The following ROBO2 variants were observed in gnomAD, a reference collection of about 807,000 sequenced individuals.
ROBO2 encodes the protein roundabout guidance receptor 2, also known as roundabout homolog 2.
A neutral mutation model predicts 160.8 loss-of-function variants in ROBO2; 53 were observed. The ratio of observed to expected loss-of-function variants is 0.33; its 90% CI spans 0.26 to 0.41. The LOEUF (loss-of-function observed/expected upper bound fraction) is 0.41, where lower values mean the gene tolerates loss of function less well. Among genes scored for constraint, ROBO2 ranks in the 10% least tolerant of loss-of-function variants. The pLI, the probability that ROBO2 is intolerant of heterozygous loss-of-function variation, is 1.00. For missense variants in ROBO2, 1,577 were observed against 1,722.4 expected (o/e 0.92, Z 1.49); for synonymous variants, 664 against 611.7 (o/e 1.09, Z -1.26).
At chr3:75,963,669 G>T (rs1949004656) in intron 2 of ROBO2, among the ~76,000 whole-genome samples, 1 of 151,784 alleles carries the variant, frequency 6.6e-6, no homozygotes, top group Middle Eastern at 3.4e-3. Context: ...CACACACATA[G>T]ACTGGGTGGC....
intron 2 of ROBO2, among the ~76,000 whole-genome samples, chr3:76,132,791 G>A (rs1187921911): frequency 6.6e-6 from 1 of 152,098 alleles, no homozygotes; most frequent in Non-Finnish European, 1.5e-5. Context: ...ATGACTTTGA[G>A]CTCTTTTTCT....
chr3:76,149,796 AAC>A (rs1418912804), intron 2 of ROBO2, among the ~76,000 whole-genome samples: 4 of 148,586 alleles, frequency 2.7e-5, no homozygotes, highest in Admixed American at 1.3e-4. Context: ...ATCAGTCTAA[AAC>A]ACACATCTGT....
At chr3:77,113,483 A>T (rs1269645674) in intron 2 of ROBO2, among the ~76,000 whole-genome samples, 2 of 152,184 alleles carry the variant, frequency 1.3e-5, no homozygotes, top group Admixed American at 1.3e-4. Context: ...ATTAATAGAG[A>T]TGTAAGAATC....
chr3:76,647,256 T>C (rs1015805861), intron 2 of ROBO2, among the ~76,000 whole-genome samples: 1 of 152,148 alleles, frequency 6.6e-6, no homozygotes, highest in Non-Finnish European at 1.5e-5. Flanking sequence ...AAATGCAAAC[T>C]GGATTCCACT....
At chr3:76,033,591 T>C (rs1338733827) in intron 2 of ROBO2, among the ~76,000 whole-genome samples, 3 of 152,234 alleles carry the variant, frequency 2.0e-5, no homozygotes, top group African/African-American at 7.2e-5. Flanking sequence ...TTGTTATTTA[T>C]ATGTTGCTAT....
At chr3:76,251,184 C>T (rs937606113) in intron 2 of ROBO2, among the ~76,000 whole-genome samples, 12 of 151,806 alleles carry the variant, frequency 7.9e-5, no homozygotes, top group Admixed American at 6.6e-4. Context: ...AGATAGATGA[C>T]CAAATTTGTC....
chr3:77,344,251 A>G (rs1425895569), intron 2 of ROBO2, among the ~76,000 whole-genome samples: 1 of 152,190 alleles, frequency 6.6e-6, no homozygotes, highest in African/African-American at 2.4e-5. Flanking sequence ...CTTCTTTCAT[A>G]TATCAAAAAT....
At chr3:76,097,373 C>G (rs1457458073) in intron 2 of ROBO2, among the ~76,000 whole-genome samples, 1 of 152,136 alleles carries the variant, frequency 6.6e-6, no homozygotes, top group East Asian at 1.9e-4. Context: ...GCAGCAGGGG[C>G]TCCTGCTGAG....
intron 2 of ROBO2, among the ~76,000 whole-genome samples, chr3:76,737,653 G>A (rs945063962): frequency 6.6e-6 from 1 of 152,100 alleles, no homozygotes; most frequent in African/African-American, 2.4e-5. Context: ...GTATCTATGA[G>A]TTTCTCATCT....
intron 2 of ROBO2, among the ~76,000 whole-genome samples, chr3:76,966,262 G>A (rs1416346090): frequency 6.6e-6 from 1 of 152,122 alleles, no homozygotes; most frequent in African/African-American, 2.4e-5. Flanking sequence ...TTAAAGTGCA[G>A]ACACTGATGG....
At chr3:76,812,909 ATTTTT>A (rs71104626) in intron 2 of ROBO2, among the ~76,000 whole-genome samples, 38 of 104,658 alleles carry the variant, frequency 3.6e-4, no homozygotes, top group African/African-American at 4.7e-4. Flanking sequence ...AGAAGTATAA[ATTTTT>A]TTTTTTTTTT....
At chr3:76,444,019 G>A (rs997048314) in intron 2 of ROBO2, among the ~76,000 whole-genome samples, 1 of 152,098 alleles carries the variant, frequency 6.6e-6, no homozygotes, top group African/African-American at 2.4e-5. Context: ...AAGCTGGAGT[G>A]CAGTGGCACA....
At chr3:77,429,020 G>A (rs1209203351) in intron 2 of ROBO2, among the ~76,000 whole-genome samples, 1 of 152,146 alleles carries the variant, frequency 6.6e-6, no homozygotes, top group Non-Finnish European at 1.5e-5. Context: ...CTACTCTAAA[G>A]TTAGATCAGC....
chr3:76,127,772 T>G (rs1451338316), intron 2 of ROBO2, among the ~76,000 whole-genome samples: 11 of 152,080 alleles, frequency 7.2e-5, no homozygotes, highest in Non-Finnish European at 1.6e-4. Context: ...GTATAATTAC[T>G]TTATTACATC....
At chr3:77,513,454 T>C (rs2089645163) in intron 5 of ROBO2, among the ~76,000 whole-genome samples, 1 of 151,834 alleles carries the variant, frequency 6.6e-6, no homozygotes. Flanking sequence ...GGTATGTTTA[T>C]GAGGAAAAAA....
At chr3:75,941,321 T>A (rs2107072930) in intron 2 of ROBO2, among the ~76,000 whole-genome samples, 1 of 152,254 alleles carries the variant, frequency 6.6e-6, no homozygotes, top group South Asian at 2.1e-4. Flanking sequence ...TACAATGGTG[T>A]GCTGTTTTGG....
chr3:77,103,896 C>A (rs1358013580), intron 2 of ROBO2, among the ~76,000 whole-genome samples: 1 of 152,168 alleles, frequency 6.6e-6, no homozygotes, highest in Non-Finnish European at 1.5e-5. Context: ...CTTCCTTGAT[C>A]TCCTCAAGTT....
At chr3:76,860,595 T>A (rs2070663374) in intron 2 of ROBO2, among the ~76,000 whole-genome samples, 1 of 152,188 alleles carries the variant, frequency 6.6e-6, no homozygotes, top group Non-Finnish European at 1.5e-5. Context: ...ACATTTACCA[T>A]CCTCTGCTTC....
chr3:76,446,571 C>A (rs2077193785), intron 2 of ROBO2, among the ~76,000 whole-genome samples: 2 of 151,980 alleles, frequency 1.3e-5, no homozygotes, highest in Admixed American at 1.3e-4. Flanking sequence ...AAAAAAGAGC[C>A]CGCACTGCCA....
Sources: allele counts gnomAD v4.1 joint callset (sites outside exome capture counted in the v4.1 genomes callset), GRCh38; gene constraint gnomAD v4.1.1; transcripts MANE v1.5; gene names NCBI Gene and HGNC (gene_info 2026-07-23, HGNC 2026-07-21).